The following C14orf39 variants were observed in gnomAD, a reference collection of about 807,000 sequenced individuals.
C14orf39 encodes the protein protein SIX6OS1.
Under a neutral mutation model 85.6 loss-of-function variants are expected in C14orf39, and 66 were observed. The observed-to-expected ratio is 0.77, with a 90% CI of 0.63 to 0.95. C14orf39 has a LOEUF of 0.95. C14orf39 is among the 40% of genes least tolerant of loss of function. The pLI is 0.00. For missense variants in C14orf39, 735 were observed against 663.9 expected (o/e 1.11, Z -1.18); for synonymous variants, 242 against 214.0 (o/e 1.13, Z -1.14).
rs575774360 is a variant in C14orf39, at chr14:60,474,255, C to T, written c.324-2516G>A. On this transcript the variant is annotated intron_variant, in intron 5 of 17. Transcript: ENST00000321731. ...TGATTTTTGCACATTGATTTTGTAT[C>T]CTGAGACTTTGCTGAAGTTGTCTAC... Among the ~76,000 whole-genome samples, 97 of 152,246 alleles carry T rather than the reference C, an allele frequency of 6.4e-4. 1 individual carries two copies. The highest frequency in any genetic ancestry group is 2.3e-3 in the African/African-American group (95 of 41,552).
In C14orf39 at chr14:60,469,646, A is replaced by G. The variant is rs779148360; in HGVS notation, c.562T>C (p.Leu188=). ...LTKWTLNIVN[L]RCETQDILKH... ...AGAATATCTTGTGTTTCACATCTCA[A>G]ATTAACACTTTTTATGTTAAGGAAC... The change falls in exon 8 of 18, where the codon TTG becomes CTG. Residue 188 remains leucine (L), a synonymous_variant. Transcript: ENST00000321731. 5.4e-6 allele frequency: 7 copies of G among 1,297,242 alleles called. No individual in the cohort carries two copies. In the African/African-American group the frequency reaches 6.0e-5, roughly 11 times the overall value. 80.4% of individuals were successfully genotyped at this position (1,297,242 alleles called of 1,614,324 possible).
chr14:60,436,995 T>G lies in C14orf39; in HGVS notation c.1614A>C (p.Pro538=). The part of the protein sequence containing the change: ...EGEDGFTFSF[P]SDTSTHTFGA... Reference sequence around the variant, plus strand: ...CAAATGTATGAGTTGAAGTGTCTGATGGAAAAGAAAATGTAAAGCCATCTT... The same window carrying G: ...CAAATGTATGAGTTGAAGTGTCTGAGGGAAAAGAAAATGTAAAGCCATCTT... The change falls in exon 18 of 18, where the codon CCA becomes CCC. Residue 538 remains proline (P), a synonymous_variant. Coordinates refer to ENST00000321731, the MANE Select transcript of C14orf39 (RefSeq NM_174978.3). 6.2e-7 allele frequency: 1 copy of G among 1,611,284 alleles called. No homozygotes were observed. Among genetic ancestry groups the G allele is most frequent in the Non-Finnish European group, 8.5e-7 (1 of 1,178,976 alleles).
intron 2 of C14orf39, chr14:60,496,330 C>A: frequency 2.8e-6 from 1 of 359,492 alleles, no homozygotes; most frequent in Non-Finnish European, 5.5e-6. Flanking sequence ...CCTTGTTGCC[C>A]CATAGTGCCT....
intron 1 of C14orf39, among the ~76,000 whole-genome samples, chr14:60,510,268 A>G (rs1893270620): frequency 6.6e-6 from 1 of 152,118 alleles, no homozygotes; most frequent in African/African-American, 2.4e-5. Flanking sequence ...AAAATCCTAC[A>G]AACAGTTAGG....
rs796519834 is a variant in C14orf39 at position 60,474,998 on chromosome 14, C to G, written c.324-3259G>C. 3.3e-4 allele frequency among the ~76,000 whole-genome samples: 50 copies of G among 152,258 alleles called. 1 individual carries two copies. Among genetic ancestry groups the G allele is most frequent in the African/African-American group, 1.2e-3 (48 of 41,550 alleles). ...ATGGTACCAGCTCCTCCTTGTACCT[C>G]TGGTAGAATTCAGCTGTGAATCCAT... is the stretch of plus-strand genomic sequence containing the variant. On this transcript the variant is annotated intron_variant, in intron 5 of 17. Coordinates refer to ENST00000321731, the MANE Select transcript of C14orf39 (RefSeq NM_174978.3).
intron 4 of C14orf39, among the ~76,000 whole-genome samples, chr14:60,482,681 A>G (rs547775429): frequency 6.6e-6 from 1 of 152,264 alleles, no homozygotes; most frequent in African/African-American, 2.4e-5. Context: ...AAATAACCTA[A>G]ATTTCCATTA....
chr14:60,499,418 T>C (rs1195720851), exon 2 of C14orf39: 3 of 152,190 alleles, frequency 2.0e-5, no homozygotes, highest in Admixed American at 6.5e-5. Flanking sequence ...GTGATACAGG[T>C]GGCGTTTCAA....
intron 16 of C14orf39, among the ~76,000 whole-genome samples, chr14:60,443,181 G>A (rs1890604303): frequency 6.6e-6 from 1 of 152,152 alleles, no homozygotes; most frequent in African/African-American, 2.4e-5. Context: ...TGGACAGTGG[G>A]TGCAGCCCAC....
intron 7 of C14orf39, among the ~76,000 whole-genome samples, chr14:60,470,701 C>G (rs577735383): frequency 6.6e-6 from 1 of 151,838 alleles, no homozygotes; most frequent in Non-Finnish European, 1.5e-5. Context: ...ATGGAAAAAG[C>G]TAGCAGCAGA....
At chr14:60,509,498 C>T in intron 1 of C14orf39, 3 of 1,603,742 alleles carry the variant, frequency 1.9e-6, no homozygotes, top group African/African-American at 1.3e-5. Flanking sequence ...GGGTCGCTTC[C>T]TCTGGTCGCT....
chr14:60,444,035 A>C (rs1890648343), intron 16 of C14orf39, among the ~76,000 whole-genome samples: 1 of 152,198 alleles, frequency 6.6e-6, no homozygotes, highest in Non-Finnish European at 1.5e-5. Context: ...CCAAAACCCC[A>C]TCTGTAGGTT....
At chr14:60,513,284 C>T (rs1000871189) in intron 1 of C14orf39, among the ~76,000 whole-genome samples, 11 of 152,156 alleles carry the variant, frequency 7.2e-5, no homozygotes. Flanking sequence ...TCCTGAAAGG[C>T]TCCCATTGTA....
chr14:60,456,119 T>C (rs186803056), intron 15 of C14orf39, among the ~76,000 whole-genome samples: 5 of 152,192 alleles, frequency 3.3e-5, no homozygotes, highest in Non-Finnish European at 5.9e-5. Flanking sequence ...ACAGGTCTGA[T>C]GCAAAACAAC....
chr14:60,511,241 T>C lies in C14orf39; in HGVS notation c.-144+4154A>G, dbSNP rs1184169244. On this transcript the variant is annotated intron_variant, in intron 1 of 5. Coordinates refer to the C14orf39 transcript ENST00000556799. ...CTCCATCACGTCCAGCGACAGCGAG[T>C]GCGACATCTGAGTTGCCCATCCAGG... is the stretch of plus-strand genomic sequence containing the variant. 19 of 1,613,366 alleles carry C rather than the reference T, an allele frequency of 1.2e-5. No homozygotes were observed. Among genetic ancestry groups the C allele is most frequent in the Non-Finnish European group, 1.6e-5 (19 of 1,179,928 alleles).
chr14:60,474,942 T>A (rs1393502116), intron 5 of C14orf39, among the ~76,000 whole-genome samples: 3 of 152,208 alleles, frequency 2.0e-5, no homozygotes, highest in Non-Finnish European at 2.9e-5. Flanking sequence ...GATTCCCTCT[T>A]TTTCTATTGA....
At chr14:60,489,373 A>G (rs1892951422), upstream of C14orf39, among the ~76,000 whole-genome samples, 1 of 152,212 alleles carries the variant, frequency 6.6e-6, no homozygotes, top group Non-Finnish European at 1.5e-5. Context: ...GTTTCCTCAC[A>G]TATAAAGTGG....
In C14orf39 at chr14:60,485,102, A is replaced by C. The variant is rs766305882; in HGVS notation, c.-8-16T>G. Reference sequence around the variant, plus strand: ...ATCTTGGATACTATGTTAAATGAAAAAAAAAATTATAAGATTTTCTGAAGT... The same window carrying C: ...ATCTTGGATACTATGTTAAATGAAACAAAAAATTATAAGATTTTCTGAAGT... On this transcript the variant is annotated splice_polypyrimidine_tract_variant and intron_variant, in intron 1 of 17. Transcript: ENST00000321731. The C allele has an allele frequency of 7.6e-5, 121 of 1,584,580 alleles. No homozygotes were observed. Among genetic ancestry groups the C allele is most frequent in the Non-Finnish European group, 1.0e-4 (118 of 1,170,990 alleles).
chr14:60,454,865 A>C, intron 16 of C14orf39, 136 bp downstream of exon 16: 1 of 575,830 alleles, frequency 1.7e-6, no homozygotes, highest in Non-Finnish European at 2.8e-6. Context: ...ACTTTGTCAT[A>C]CCATCAATAC....
intron 5 of C14orf39, among the ~76,000 whole-genome samples, chr14:60,474,569 C>T (rs1001710093): frequency 5.9e-5 from 9 of 151,914 alleles, no homozygotes; most frequent in African/African-American, 1.2e-4. Context: ...TTTTGAGATA[C>T]GTCCCATCGA....
Sources: gnomAD v4.1 joint callset for allele counts (sites outside exome capture counted in the v4.1 genomes callset) on GRCh38, gnomAD v4.1.1 for gene constraint, MANE v1.5 for transcripts, NCBI Gene and HGNC (gene_info 2026-07-23, HGNC 2026-07-21) for gene names.